Variants in NRK observed in about 807,000 individuals in gnomAD.
The protein encoded by NRK is Nik related kinase.
Under a neutral mutation model 125.2 loss-of-function variants are expected in NRK, and 67 were observed. The observed-to-expected ratio is 0.54, with a 90% confidence interval of 0.44 to 0.66. The LOEUF (loss-of-function observed/expected upper bound fraction) is 0.66. Ranked by LOEUF, NRK falls within the 30% of genes least tolerant of loss-of-function variation. The pLI, the probability that NRK is intolerant of heterozygous loss-of-function variation, is 0.00. For missense variants in NRK, 1,224 were observed against 1,192.9 expected (o/e 1.03, Z -0.38); for synonymous variants, 458 against 429.0 (o/e 1.07, Z -0.84).
chrX:105,914,563 T>C (rs2040341198), intron 14 of NRK, among the ~76,000 whole-genome samples: 1 of 110,304 alleles, frequency 9.1e-6, no homozygotes, highest in South Asian at 3.9e-4. Context: ...CGTTACCTAT[T>C]TTGAGTAATT....
rs982962923 is a variant in NRK, at chrX:105,946,349, T to C, written c.4238T>C (p.Val1413Ala). The stretch of plus-strand genomic sequence containing the variant: ...ACACTTGATCATAAGCCAGTGACAG[T>C]TGACCTGGCTATTGGTTCTGAAAAA... ...FPTLDHKPVTVDLAIGSEKRL... is the reference protein window; with the variant it reads ...FPTLDHKPVTADLAIGSEKRL... Residue 1413 changes from valine (V) to alanine (A), a missense_variant, in exon 26 of 29, where the codon GTT (valine) becomes GCT (alanine). Val to Ala is a moderately conservative substitution (Grantham distance 64, BLOSUM62 0). Transcript: ENST00000243300. 5.0e-6 allele frequency: 6 copies of C among 1,201,637 alleles called. No individual in the cohort carries two copies. The highest frequency in any genetic ancestry group is 4.5e-6 in the Non-Finnish European group (4 of 886,630).
rs2041004348 is a variant in NRK, at chrX:105,958,399, T to A, written c.*2799T>A. 1 of 112,272 alleles carries A rather than the reference T, an allele frequency of 8.9e-6. No homozygotes were observed. Among genetic ancestry groups the A allele is most frequent in the Admixed American group, 9.4e-5 (1 of 10,590 alleles). The allele number at this position is 112,272 out of a possible 1,213,427, so 9.3% of individuals were successfully genotyped here. A position where few individuals can be genotyped will look rare whatever the true frequency, so the allele number is the denominator to read the frequency against. On this transcript the variant is annotated 3_prime_UTR_variant, in exon 29 of 29. Transcript: ENST00000243300. ...AATTACTAACTGCCCTCTCCCAAGA[T>A]TCATTTAGTTCAAACAGTATCCGTA...
intron 3 of NRK, among the ~76,000 whole-genome samples, chrX:105,880,897 G>T (rs2039876376): frequency 1.8e-5 from 2 of 111,112 alleles, no homozygotes; most frequent in Admixed American, 9.6e-5. Flanking sequence ...CATAAACATA[G>T]AAAAGGTCAA....
At chrX:105,935,464 G>A in intron 21 of NRK, 139 bp downstream of exon 21, 1 of 441,540 alleles carries the variant, frequency 2.3e-6, no homozygotes, top group Non-Finnish European at 3.6e-6. Context: ...CTCAGAATTG[G>A]TTTTGCTGAT....
At chrX:105,901,104 T>C (rs1464217852) in intron 9 of NRK, among the ~76,000 whole-genome samples, 2 of 110,589 alleles carry the variant, frequency 1.8e-5, no homozygotes, top group African/African-American at 6.6e-5. Context: ...TTGAGAAAAT[T>C]CTCCAGCATT....
At chrX:105,870,063 T>A (rs1452144476) in intron 2 of NRK, among the ~76,000 whole-genome samples, 1 of 111,209 alleles carries the variant, frequency 9.0e-6, no homozygotes, top group Non-Finnish European at 1.9e-5. Context: ...AGGTATACAA[T>A]CTACCATAGT....
chrX:105,943,821 C>T, intron 23 of NRK, 120 bp from the exon 24 acceptor site: 2 of 423,080 alleles, frequency 4.7e-6, no homozygotes, highest in Non-Finnish European at 8.2e-6. Flanking sequence ...AGTAGCTTCC[C>T]CAAAAATATA....
At chrX:105,878,364 G>T (rs1202549719) in intron 2 of NRK, among the ~76,000 whole-genome samples, 2 of 111,120 alleles carry the variant, frequency 1.8e-5, no homozygotes, top group Non-Finnish European at 1.9e-5. Flanking sequence ...TATTATAACT[G>T]TCCAGCAAAA....
At chrX:105,940,477 T>A (rs10126198) in intron 23 of NRK, among the ~76,000 whole-genome samples, 21,970 of 109,744 alleles carry the variant, frequency 0.2, 1,647 homozygotes, top group Middle Eastern at 0.3. Flanking sequence ...GGAGCAACAG[T>A]AAGATTGAAT....
chrX:105,919,701 C>A (rs1156712660), intron 16 of NRK, among the ~76,000 whole-genome samples: 3 of 111,450 alleles, frequency 2.7e-5, no homozygotes, highest in Non-Finnish European at 5.7e-5. Context: ...CTGTATTGAA[C>A]TACATCTGGA....
At chrX:105,857,964 G>A (rs1471751793) in intron 2 of NRK, among the ~76,000 whole-genome samples, 1 of 110,318 alleles carries the variant, frequency 9.1e-6, no homozygotes, top group Non-Finnish European at 1.9e-5. Context: ...GATTGCCCAG[G>A]CCTGTCACCT....
Position 105,822,671 on chromosome X carries a change from CTT to C in NRK, c.-172_-171del, listed in dbSNP as rs1254920427. ...CTCCGGTTTCCCTCCACTCCCAACT[CTT>C]TTCACTACACGTTTCCCCTCCTCTA... On this transcript the variant is annotated 5_prime_UTR_variant, in exon 1 of 29. Transcript: ENST00000243300. 3.9e-6 allele frequency: 2 copies of C among 516,654 alleles called. No individual in the cohort carries two copies. 42.6% of individuals were successfully genotyped at this position (516,654 alleles called of 1,213,427 possible). A position where few individuals can be genotyped will look rare whatever the true frequency, so the allele number is the denominator to read the frequency against.
chrX:105,884,915 C>T (rs1457241750), intron 4 of NRK, among the ~76,000 whole-genome samples: 2 of 111,480 alleles, frequency 1.8e-5, no homozygotes, highest in Non-Finnish European at 3.8e-5. Flanking sequence ...CTCAGCCTCC[C>T]CAGTAGTTGG....
chrX:105,882,036 G>A (rs1274217828), intron 4 of NRK, among the ~76,000 whole-genome samples: 8 of 110,959 alleles, frequency 7.2e-5, no homozygotes, highest in Non-Finnish European at 9.4e-5. Flanking sequence ...TGTCAGTGAG[G>A]AATTGCGTAA....
chrX:105,876,896 G>A (rs1426085968), intron 2 of NRK, among the ~76,000 whole-genome samples: 3 of 111,335 alleles, frequency 2.7e-5, no homozygotes, highest in African/African-American at 9.7e-5. Context: ...ATCTCAAGGT[G>A]GCTTCTAGGT....
chrX:105,863,660 G>A (rs1286473136), intron 2 of NRK, among the ~76,000 whole-genome samples: 1 of 112,058 alleles, frequency 8.9e-6, no homozygotes, highest in Admixed American at 9.5e-5. Flanking sequence ...CTGTAGAAGA[G>A]TATTCTTCTC....
intron 2 of NRK, among the ~76,000 whole-genome samples, chrX:105,868,718 C>T (rs1001682592): frequency 1.9e-5 from 2 of 104,252 alleles, no homozygotes; most frequent in African/African-American, 7.0e-5. Context: ...ATCCACTTCC[C>T]CCGCCCCCCA....
Position 105,895,630 on chromosome X carries a change from T to C in NRK, c.580+107T>C, listed in dbSNP as rs866382686. On this transcript the variant is annotated intron_variant, in intron 7 of 28. Transcript: ENST00000243300. ...GTCCCTGCCAATATCCTCTACTTAT[T>C]TGAGCTGGGTTTTCCCTGCCTGCAA... The C allele has an allele frequency of 6.8e-5, 36 of 531,397 alleles. No homozygotes were observed. The Middle Eastern group carries it at 8.5e-3, about 125-fold the overall frequency. The allele number at this position is 531,397 out of a possible 1,213,427, so 43.8% of individuals were successfully genotyped here. A position where few individuals can be genotyped will look rare whatever the true frequency, so the allele number is the denominator to read the frequency against.
intron 15 of NRK, among the ~76,000 whole-genome samples, 168 bp from the exon 16 acceptor site, chrX:105,917,410 G>C (rs1252391676): frequency 9.0e-6 from 1 of 111,240 alleles, no homozygotes; most frequent in Non-Finnish European, 1.9e-5. Flanking sequence ...AAAATAGCAA[G>C]TTTGGGGGAG....
Sources: gnomAD v4.1 joint callset for allele counts (sites outside exome capture counted in the v4.1 genomes callset) on GRCh38, gnomAD v4.1.1 for gene constraint, MANE v1.5 for transcripts, NCBI Gene and HGNC (gene_info 2026-07-23, HGNC 2026-07-21) for gene names.